GAPVD1: variants seen among roughly 807,000 people sequenced by gnomAD.
GAPVD1 encodes the protein GTPase-activating protein and VPS9 domain-containing protein 1.
In GAPVD1, 35 loss-of-function variants were observed where a neutral mutation model predicts 155.5. That is an observed-to-expected ratio of 0.23 (90% confidence interval 0.17 to 0.30). GAPVD1 has a LOEUF of 0.30. Among genes scored for constraint, GAPVD1 ranks in the 10% least tolerant of loss-of-function variants. The pLI is 1.00. For synonymous variants in GAPVD1, 636 were observed against 619.7 expected (o/e 1.03, Z -0.39); for missense variants, 1,429 against 1,775.7 (o/e 0.80, Z 3.51).
chr9:125,343,260 C>T (rs1202286631), intron 19 of GAPVD1, among the ~76,000 whole-genome samples: 1 of 151,084 alleles, frequency 6.6e-6, no homozygotes, highest in African/African-American at 2.4e-5. Flanking sequence ...TGGCCCAAGA[C>T]AATTCTTCTT....
Position 125,302,044 on chromosome 9 carries a change from G to A in GAPVD1, c.247G>A (p.Val83Ile). ...CAAAATTTTGGAAGATACACAATTT[G>A]TTGATGGGTATAAGCAATTGGGATT... is the stretch of plus-strand genomic sequence containing the variant. Reference protein sequence around the residue: ...HAKILEDTQFVDGYKQLGFQE... With the variant: ...HAKILEDTQFIDGYKQLGFQE... The change falls in exon 5 of 28, where the codon GTT becomes ATT. Residue 83 changes from valine to isoleucine, a missense_variant. By Grantham distance (29) the Val-to-Ile change is conservative (BLOSUM62 3). This residue lies in a region of GAPVD1 where 628 missense variants were observed against 733.4 expected (regional missense o/e 0.86). Coordinates refer to ENST00000297933, the MANE Select transcript of GAPVD1 (RefSeq NM_001282680.3). 3 of 1,599,314 alleles carry A rather than the reference G, an allele frequency of 1.9e-6. No homozygotes were observed. Among genetic ancestry groups the A allele is most frequent in the Non-Finnish European group, 2.6e-6 (3 of 1,174,038 alleles).
Position 125,293,777 on chromosome 9 carries a change from A to G in GAPVD1, c.-149-1681A>G, listed in dbSNP as rs959024800. ...ATATATACATTTTTATATTATATAT[A>G]ATATAAAATAAAATATATAAAAATT... On this transcript the variant is annotated intron_variant, in intron 2 of 27. Transcript: ENST00000297933. Among the ~76,000 whole-genome samples, 200 of 122,778 alleles carry G rather than the reference A, an allele frequency of 1.6e-3. 2 individuals carry two copies. The highest frequency in any genetic ancestry group is 6.1e-3 in the African/African-American group (199 of 32,700). 80.5% of individuals were successfully genotyped at this position (122,778 alleles called of 152,430 possible). A position where few individuals can be genotyped will look rare whatever the true frequency, so the allele number is the denominator to read the frequency against.
intron 15 of GAPVD1, among the ~76,000 whole-genome samples, chr9:125,336,168 GA>G: frequency 6.8e-6 from 1 of 147,292 alleles, no homozygotes; most frequent in African/African-American, 2.5e-5. Flanking sequence ...AAAAGCCTGA[GA>G]CCAAAATTTG....
chr9:125,277,547 G>A (rs1344438458), intron 2 of GAPVD1, among the ~76,000 whole-genome samples: 3 of 152,148 alleles, frequency 2.0e-5, no homozygotes, highest in African/African-American at 4.8e-5. Flanking sequence ...TATCCCTAAG[G>A]TAATATGCCC....
chr9:125,265,513 C>G (rs533311792), intron 1 of GAPVD1, among the ~76,000 whole-genome samples: 2 of 151,258 alleles, frequency 1.3e-5, no homozygotes, highest in African/African-American at 2.4e-5. Flanking sequence ...CGGGTTCCAG[C>G]GATTCTCCTG....
intron 2 of GAPVD1, 50 bp downstream of exon 2, chr9:125,269,034 C>T (rs770821306): frequency 6.6e-6 from 1 of 151,272 alleles, no homozygotes; most frequent in East Asian, 1.9e-4. Context: ...TTTAAGTTTG[C>T]CTACAGCTAC....
intron 2 of GAPVD1, among the ~76,000 whole-genome samples, chr9:125,274,225 C>T (rs947383896): frequency 2.6e-5 from 4 of 151,784 alleles, no homozygotes; most frequent in East Asian, 1.9e-4. Flanking sequence ...ACCATGTTGG[C>T]GAGCCTGGTC....
At chr9:125,305,247 G>A in intron 6 of GAPVD1, 98 bp downstream of exon 6, 1 of 762,952 alleles carries the variant, frequency 1.3e-6, no homozygotes, top group Non-Finnish European at 2.2e-6. Context: ...TAAATTAAAT[G>A]TTCTTTTAAT....
At chr9:125,298,764 A>G in intron 3 of GAPVD1, 126 bp from the exon 4 acceptor site, 2 of 517,872 alleles carry the variant, frequency 3.9e-6, no homozygotes, top group East Asian at 3.1e-5. Context: ...CTGGGATTAT[A>G]GGCATGAGCC....
intron 23 of GAPVD1, among the ~76,000 whole-genome samples, chr9:125,352,327 T>G (rs1423667249): frequency 6.6e-6 from 1 of 152,248 alleles, no homozygotes; most frequent in Non-Finnish European, 1.5e-5. Context: ...TGCGGCAAAC[T>G]TCTGCCTGGG....
rs150882558 is a variant in GAPVD1, at chr9:125,343,752, C to A, written c.3046+1453C>A. ...TCAAATCACACATGACTCTTCAGGA[C>A]CTTCCAGTCTGATTGGGAAGAGCTG... On this transcript the variant is annotated intron_variant, in intron 19 of 27. Coordinates refer to ENST00000297933, the MANE Select transcript of GAPVD1 (RefSeq NM_001282680.3). 1.9e-3 allele frequency among the ~76,000 whole-genome samples: 285 copies of A among 152,314 alleles called. 6 individuals are homozygous for A. The East Asian group carries it at 0.053, about 28-fold the overall frequency.
At chr9:125,357,442 G>C (rs1165930445) in intron 25 of GAPVD1, among the ~76,000 whole-genome samples, 1 of 151,896 alleles carries the variant, frequency 6.6e-6, no homozygotes, top group Non-Finnish European at 1.5e-5. Flanking sequence ...AGCTGGGTGT[G>C]GTGGCATGCG....
intron 8 of GAPVD1, among the ~76,000 whole-genome samples, chr9:125,311,760 C>T (rs1233858718): frequency 6.6e-6 from 1 of 151,074 alleles, no homozygotes; most frequent in Non-Finnish European, 1.5e-5. Flanking sequence ...CACTCTGATG[C>T]CCAGGCTGGA....
chr9:125,293,852 T>TTATATATATA (rs1161661604), intron 2 of GAPVD1, among the ~76,000 whole-genome samples: 38 of 35,036 alleles, frequency 1.1e-3, no homozygotes, highest in South Asian at 2.0e-3. Flanking sequence ...AAAATATATT[T>TTATATATATA]TATATATATA....
intron 25 of GAPVD1, among the ~76,000 whole-genome samples, chr9:125,357,487 G>C (rs530504331): frequency 2.0e-5 from 3 of 152,110 alleles, no homozygotes; most frequent in Non-Finnish European, 4.4e-5. Context: ...GCTGAATAGG[G>C]AGGATCACTT....
In GAPVD1 at chr9:125,302,268, T is replaced by G. The variant is rs1379532118; in HGVS notation, c.471T>G (p.Ile157Met). The stretch of plus-strand genomic sequence containing the variant: ...TCCTTCAGGTTTTGCGATACTTGAT[T>G]GAATTTGAACTTAAAGAAAGTGACA... ...SYLLQVLRYL[I>M]EFELKESDNP... is the part of the protein sequence containing the mutation. The change falls in exon 5 of 28, where the codon ATT becomes ATG. Residue 157 changes from isoleucine to methionine, a missense_variant. Transcript: ENST00000297933. The G allele has an allele frequency of 2.5e-6, 4 of 1,614,162 alleles. No homozygotes were observed. Among genetic ancestry groups the G allele is most frequent in the East Asian group, 2.2e-5 (1 of 44,876 alleles).
intron 19 of GAPVD1, among the ~76,000 whole-genome samples, chr9:125,342,776 CT>C (rs1332595639): frequency 1.3e-5 from 2 of 152,046 alleles, no homozygotes; most frequent in Non-Finnish European, 2.9e-5. Context: ...TAATCGTTTC[CT>C]TTTTTGTGAT....
At position 125,312,319 on chromosome 9, in the gene GAPVD1, C is replaced by G. The variant is rs75713703; in HGVS notation, c.1442-133C>G. On this transcript the variant is annotated intron_variant, in intron 8 of 27. Coordinates refer to ENST00000297933, the MANE Select transcript of GAPVD1 (RefSeq NM_001282680.3). ...TTTGTTTTGTTTTGTTTTGTTTTTT[C>G]TTATTTATATTTTTTACCACTCTTG... is the stretch of plus-strand genomic sequence containing the variant. 9.3e-4 allele frequency: 548 copies of G among 589,834 alleles called. 1 individual carries two copies. In the African/African-American group the frequency reaches 9.9e-3, roughly 11 times the overall value. 36.5% of individuals were successfully genotyped at this position (589,834 alleles called of 1,614,324 possible). A position where few individuals can be genotyped will look rare whatever the true frequency, so the allele number is the denominator to read the frequency against.
rs548566783 is a variant in GAPVD1 at position 125,290,409 on chromosome 9, T to G, written c.-149-5049T>G. On this transcript the variant is annotated intron_variant, in intron 2 of 27. Coordinates refer to ENST00000297933, the MANE Select transcript of GAPVD1 (RefSeq NM_001282680.3). ...CCAGTGTTCAAGTGAGGATTGGCAA[T>G]GACCAGTAGAAAAGCAGTTCATTCA... Among the ~76,000 whole-genome samples, 22 of 152,182 alleles carry G rather than the reference T, an allele frequency of 1.4e-4. No homozygotes were observed. In the East Asian group the frequency reaches 4.3e-3, roughly 29 times the overall value.
Sources: allele counts gnomAD v4.1 joint callset (sites outside exome capture counted in the v4.1 genomes callset), GRCh38; gene constraint gnomAD v4.1.1; regional missense constraint gnomAD v4.1.1; transcripts MANE v1.5; gene names NCBI Gene and HGNC (gene_info 2026-07-23, HGNC 2026-07-21).